The following ARHGAP24 variants were observed in gnomAD, a reference collection of about 807,000 sequenced individuals.
ARHGAP24 encodes the protein Rho GTPase activating protein 24, also known as rho GTPase-activating protein 24.
A neutral mutation model predicts 76.4 loss-of-function variants in ARHGAP24; 50 were observed. The observed-to-expected ratio is 0.65, with a 90% CI of 0.52 to 0.83. The LOEUF is 0.83. ARHGAP24 is among the 40% of genes least tolerant of loss of function. The pLI, the probability that ARHGAP24 is intolerant of heterozygous loss-of-function variation, is 0.00. For synonymous variants in ARHGAP24, 345 were observed against 323.3 expected (o/e 1.07, Z -0.72); for missense variants, 930 against 914.2 (o/e 1.02, Z -0.22).
At chr4:85,590,192 G>GCCTGCCTGCCTGCCTTCCTTCCTT (rs1560543834) in intron 2 of ARHGAP24, among the ~76,000 whole-genome samples, 3 of 111,238 alleles carry the variant, frequency 2.7e-5, no homozygotes, top group African/African-American at 1.0e-4. Context: ...CTGCCTGCCT[G>GCCTGCCTGCCTGCCTTCCTTCCTT]CCTTCCTTCC....
rs573356688 is a variant in ARHGAP24 at position 86,001,460 on chromosome 4, C to A, written c.*738C>A. 5.0e-6 allele frequency: 2 copies of A among 398,774 alleles called. No individual in the cohort carries two copies. The highest frequency in any genetic ancestry group is 8.8e-6 in the Non-Finnish European group (2 of 226,048). 24.7% of individuals were successfully genotyped at this position (398,774 alleles called of 1,614,324 possible). On this transcript the variant is annotated 3_prime_UTR_variant, in exon 10 of 10. Coordinates refer to ENST00000395184, the MANE Select transcript of ARHGAP24 (RefSeq NM_001025616.3). ...ACCTTGCCAGATCCTCAGTGCGTAT[C>A]GCCAATGCAGGATGCTCCTTAGAAA...
At chr4:85,866,144 A>G (rs1403281004) in intron 3 of ARHGAP24, among the ~76,000 whole-genome samples, 2 of 152,264 alleles carry the variant, frequency 1.3e-5, no homozygotes, top group African/African-American at 4.8e-5. Flanking sequence ...AAATAAATAC[A>G]TATTTTACAT....
At chr4:85,992,135 A>T in intron 8 of ARHGAP24, 2 of 397,832 alleles carry the variant, frequency 5.0e-6, no homozygotes, top group Admixed American at 4.4e-5. Context: ...TGACCTCATT[A>T]TCTGGGCTTC....
chr4:85,876,070 T>A (rs1292847693), intron 3 of ARHGAP24, among the ~76,000 whole-genome samples: 1 of 152,078 alleles, frequency 6.6e-6, no homozygotes, highest in Non-Finnish European at 1.5e-5. Context: ...TACATGGCAT[T>A]ATTTTTCAAA....
At chr4:85,907,952 A>G (rs1261396798) in intron 3 of ARHGAP24, among the ~76,000 whole-genome samples, 1 of 152,188 alleles carries the variant, frequency 6.6e-6, no homozygotes, top group African/African-American at 2.4e-5. Flanking sequence ...AAAGGGCAAA[A>G]GACAATTCTT....
At chr4:85,984,623 A>T (rs1739873884) in intron 8 of ARHGAP24, among the ~76,000 whole-genome samples, 1 of 152,184 alleles carries the variant, frequency 6.6e-6, no homozygotes, top group Non-Finnish European at 1.5e-5. Flanking sequence ...AAGAAAGATC[A>T]GGGTGCATCC....
intron 1 of ARHGAP24, among the ~76,000 whole-genome samples, chr4:85,486,055 C>T (rs1427516261): frequency 6.6e-6 from 1 of 152,044 alleles, no homozygotes; most frequent in Non-Finnish European, 1.5e-5. Context: ...TTTGATAAGA[C>T]TGTGGCTATG....
At chr4:85,801,051 C>T (rs1728559370) in intron 3 of ARHGAP24, among the ~76,000 whole-genome samples, 1 of 152,054 alleles carries the variant, frequency 6.6e-6, no homozygotes, top group Admixed American at 6.5e-5. Context: ...CAACATATGC[C>T]TCAAATGTGA....
At chr4:85,715,667 C>A (rs142159925) in intron 2 of ARHGAP24, among the ~76,000 whole-genome samples, 2 of 152,040 alleles carry the variant, frequency 1.3e-5, no homozygotes, top group African/African-American at 4.8e-5. Flanking sequence ...ATAGCCAGAA[C>A]ACTTATGGTT....
intron 2 of ARHGAP24, among the ~76,000 whole-genome samples, chr4:85,597,629 CTT>C (rs5859986): frequency 0.014 from 2,103 of 148,974 alleles, 47 homozygotes; most frequent in African/African-American, 0.048. Flanking sequence ...AGGGCAGCAA[CTT>C]TTTTTTTTTT....
chr4:85,661,473 T>C (rs28429534), intron 2 of ARHGAP24, among the ~76,000 whole-genome samples: 4,455 of 152,290 alleles, frequency 0.029, 204 homozygotes, highest in African/African-American at 0.1. Flanking sequence ...CAATAAGGTA[T>C]GTGAAAGTTT....
At chr4:85,961,676 A>T (rs1738261969) in intron 5 of ARHGAP24, among the ~76,000 whole-genome samples, 1 of 152,060 alleles carries the variant, frequency 6.6e-6, no homozygotes, top group East Asian at 1.9e-4. Context: ...CTAGAAAATT[A>T]TTTGCGATGT....
At chr4:85,586,622 G>A (rs376859166) in intron 2 of ARHGAP24, among the ~76,000 whole-genome samples, 46 of 152,224 alleles carry the variant, frequency 3.0e-4, no homozygotes, top group South Asian at 2.3e-3. Context: ...GAATTGGGCC[G>A]GGCGTGGTGG....
intron 2 of ARHGAP24, among the ~76,000 whole-genome samples, chr4:85,647,378 C>T (rs1721763928): frequency 6.6e-6 from 1 of 151,818 alleles, no homozygotes; most frequent in Non-Finnish European, 1.5e-5. Context: ...TTTTGGTGTC[C>T]TTTGGCTTGG....
At chr4:85,949,265 T>C (rs1002671040) in intron 5 of ARHGAP24, among the ~76,000 whole-genome samples, 1 of 152,204 alleles carries the variant, frequency 6.6e-6, no homozygotes, top group African/African-American at 2.4e-5. Context: ...AGGTTTTTGT[T>C]GCAGCAACAC....
chr4:85,862,255 C>A (rs1200440257), intron 3 of ARHGAP24, among the ~76,000 whole-genome samples: 1 of 152,008 alleles, frequency 6.6e-6, no homozygotes, highest in Non-Finnish European at 1.5e-5. Context: ...TTCATAGAGA[C>A]TCCAGCACAG....
intron 1 of ARHGAP24, among the ~76,000 whole-genome samples, chr4:85,523,007 G>A (rs1429385079): frequency 6.6e-6 from 1 of 152,104 alleles, no homozygotes; most frequent in Non-Finnish European, 1.5e-5. Context: ...AGACCAGCTG[G>A]TCATTCGACT....
Position 85,995,143 on chromosome 4 carries a change from A to G in ARHGAP24, c.1489A>G (p.Asn497Asp), listed in dbSNP as rs1240261908. ...CAGCGACACACTCGGGAACCCCACA[A>G]ATGTTCGAAACATGAGCTGGCTGCC... The part of the protein sequence containing the change: ...LNSDTLGNPT[N>D]VRNMSWLPNG... The change falls in exon 9 of 10, where the codon AAT (asparagine) becomes GAT (aspartate). Residue 497 changes from asparagine to aspartate, a missense_variant. By Grantham distance (23) the Asn-to-Asp change is conservative. Transcript: ENST00000395184. 3.7e-6 allele frequency: 6 copies of G among 1,614,072 alleles called. No homozygotes were observed. The East Asian group carries it at 1.1e-4, about 30-fold the overall frequency.
At chr4:85,732,990 G>T (rs147731127) in intron 3 of ARHGAP24, among the ~76,000 whole-genome samples, 7 of 135,778 alleles carry the variant, frequency 5.2e-5, no homozygotes, top group Admixed American at 1.6e-4. Context: ...GAGCCACCGC[G>T]CCCGACCTCA....
Sources: gnomAD v4.1 joint callset for allele counts (sites outside exome capture counted in the v4.1 genomes callset) on GRCh38, gnomAD v4.1.1 for gene constraint, MANE v1.5 for transcripts, NCBI Gene and HGNC (gene_info 2026-07-23, HGNC 2026-07-21) for gene names.